The following CRPPA variants were observed in gnomAD, a reference collection of about 807,000 sequenced individuals.
CRPPA encodes the protein CDP-L-ribitol pyrophosphorylase A.
CRPPA carries 43 observed loss-of-function variants against 52.0 expected under a neutral mutation model. The ratio of observed to expected loss-of-function variants is 0.83; its 90% CI spans 0.65 to 1.07. The LOEUF (loss-of-function observed/expected upper bound fraction) is 1.07, where lower values mean the gene tolerates loss of function less well. Ranked by LOEUF, CRPPA falls within the 50% of genes least tolerant of loss-of-function variation. The probability of loss-of-function intolerance (pLI) is 0.00; values close to 1 mark genes in which losing one functional copy is unlikely to be tolerated. For missense variants in CRPPA, 629 were observed against 551.7 expected (o/e 1.14, Z -1.40); for synonymous variants, 250 against 203.5 (o/e 1.23, Z -1.94).
At chr7:16,289,798 C>A (rs1178603902) in intron 5 of CRPPA, among the ~76,000 whole-genome samples, 3 of 152,074 alleles carry the variant, frequency 2.0e-5, no homozygotes, top group Non-Finnish European at 4.4e-5. Context: ...CTACTCCTAT[C>A]CACCACAGTA....
At chr7:16,255,782 A>G (rs969472847) in intron 8 of CRPPA, among the ~76,000 whole-genome samples, 2 of 152,162 alleles carry the variant, frequency 1.3e-5, no homozygotes, top group African/African-American at 4.8e-5. Context: ...TGCCTTATAC[A>G]AAAATTAACT....
intron 9 of CRPPA, among the ~76,000 whole-genome samples, chr7:16,196,128 A>C (rs1781728562): frequency 6.6e-6 from 1 of 152,192 alleles, no homozygotes; most frequent in Non-Finnish European, 1.5e-5. Context: ...TATAGAACAT[A>C]TATATGTTGT....
intron 3 of CRPPA, among the ~76,000 whole-genome samples, chr7:16,331,603 T>C (rs553554774): frequency 5.3e-5 from 8 of 152,302 alleles, no homozygotes; most frequent in African/African-American, 1.9e-4. Flanking sequence ...AGGATTCCAG[T>C]AGTTAGACAG....
intron 8 of CRPPA, among the ~76,000 whole-genome samples, chr7:16,253,613 T>C (rs1354226963): frequency 2.0e-5 from 3 of 152,212 alleles, no homozygotes; most frequent in Non-Finnish European, 4.4e-5. Flanking sequence ...TGTAGATGTC[T>C]ATTAGGTCCG....
At chr7:16,299,980 C>T (rs945479131) in intron 5 of CRPPA, among the ~76,000 whole-genome samples, 1 of 152,286 alleles carries the variant, frequency 6.6e-6, no homozygotes, top group Middle Eastern at 3.4e-3. Flanking sequence ...AGAAACCAAA[C>T]TGAGTTTTAT....
intron 9 of CRPPA, among the ~76,000 whole-genome samples, chr7:16,187,698 G>A (rs1043198395): frequency 1.3e-5 from 2 of 152,138 alleles, no homozygotes; most frequent in African/African-American, 2.4e-5. Flanking sequence ...CTGTGACTTT[G>A]TAGATCCAAA....
chr7:16,411,873 C>T (rs1423202869), intron 1 of CRPPA, among the ~76,000 whole-genome samples: 2 of 152,000 alleles, frequency 1.3e-5, no homozygotes, highest in Non-Finnish European at 2.9e-5. Flanking sequence ...TGTCACTTTT[C>T]ATAGTATATT....
chr7:16,143,701 T>C (rs1782917907), intron 9 of CRPPA, among the ~76,000 whole-genome samples: 1 of 152,210 alleles, frequency 6.6e-6, no homozygotes, highest in African/African-American at 2.4e-5. Context: ...ACATTAGCAA[T>C]GGAAAGAGCA....
At position 16,088,551 on chromosome 7, in the gene CRPPA, G is replaced by A. The variant is rs1781746489; in HGVS notation, c.*3144C>T. The A allele has an allele frequency of 6.6e-6, 1 of 151,688 alleles. No individual in the cohort carries two copies. The highest frequency in any genetic ancestry group is 6.6e-5 in the Admixed American group (1 of 15,164). The allele number at this position is 151,688 out of a possible 1,614,324, so 9.4% of individuals were successfully genotyped here. A position where few individuals can be genotyped will look rare whatever the true frequency, so the allele number is the denominator to read the frequency against. On this transcript the variant is annotated 3_prime_UTR_variant, in exon 10 of 10. Coordinates refer to ENST00000407010, the MANE Select transcript of CRPPA (RefSeq NM_001101426.4). Reference sequence around the variant, plus strand: ...TCCTGCCTAAGCCTCCTGAGTAGCTGGGACTACAGGCGCCCGCCACGATGC... The same window carrying A: ...TCCTGCCTAAGCCTCCTGAGTAGCTAGGACTACAGGCGCCCGCCACGATGC...
chr7:16,104,578 T>C (rs140848116), intron 9 of CRPPA, among the ~76,000 whole-genome samples: 2 of 152,298 alleles, frequency 1.3e-5, no homozygotes, highest in East Asian at 3.9e-4. Flanking sequence ...GAAGAGTTCA[T>C]GTGGATATTA....
intron 3 of CRPPA, among the ~76,000 whole-genome samples, chr7:16,368,174 C>T (rs1786658444): frequency 6.6e-6 from 1 of 152,172 alleles, no homozygotes; most frequent in Non-Finnish European, 1.5e-5. Context: ...TCAAATTGCA[C>T]AGAAAAGAAT....
intron 1 of CRPPA, among the ~76,000 whole-genome samples, chr7:16,416,784 G>A (rs1007391707): frequency 1.3e-5 from 2 of 152,072 alleles, no homozygotes; most frequent in African/African-American, 4.8e-5. Flanking sequence ...TGAGGCTGCA[G>A]TGAGCTGAAA....
chr7:16,286,096 A>AT (rs1562608743), intron 5 of CRPPA, among the ~76,000 whole-genome samples: 565 of 53,074 alleles, frequency 0.011, 53 homozygotes, highest in East Asian at 0.034. Flanking sequence ...TTAAAAAAAA[A>AT]AATATATATA....
chr7:16,384,289 G>A (rs886843039), intron 2 of CRPPA, among the ~76,000 whole-genome samples: 3 of 152,194 alleles, frequency 2.0e-5, no homozygotes, highest in African/African-American at 7.2e-5. Context: ...AAACCTAAGT[G>A]TACTCTCAAA....
At chr7:16,195,215 C>A (rs546859181) in intron 9 of CRPPA, among the ~76,000 whole-genome samples, 1 of 152,238 alleles carries the variant, frequency 6.6e-6, no homozygotes, top group Admixed American at 6.5e-5. Context: ...TTTCTAGTTC[C>A]CTCTGGAATG....
chr7:16,142,616 AT>A (rs1361354009), intron 9 of CRPPA, among the ~76,000 whole-genome samples: 9 of 152,256 alleles, frequency 5.9e-5, no homozygotes, highest in African/African-American at 2.2e-4. Flanking sequence ...CTAGGTTTGT[AT>A]TTACACACTA....
At chr7:16,196,819 C>A (rs1448847294) in intron 9 of CRPPA, among the ~76,000 whole-genome samples, 1 of 152,094 alleles carries the variant, frequency 6.6e-6, no homozygotes, top group Non-Finnish European at 1.5e-5. Context: ...CCCTAAATAA[C>A]CAAGATAGTG....
intron 9 of CRPPA, among the ~76,000 whole-genome samples, chr7:16,149,182 G>C (rs1003139949): frequency 1.3e-5 from 2 of 152,126 alleles, no homozygotes; most frequent in African/African-American, 4.8e-5. Flanking sequence ...CAAGTTATTA[G>C]TGCTTTGGAA....
chr7:16,152,262 G>A (rs960166872), intron 9 of CRPPA, among the ~76,000 whole-genome samples: 8 of 151,368 alleles, frequency 5.3e-5, no homozygotes, highest in African/African-American at 1.9e-4. Context: ...AAATATGTGA[G>A]ATGTTAATTT....
Sources: allele counts gnomAD v4.1 joint callset (sites outside exome capture counted in the v4.1 genomes callset), GRCh38; gene constraint gnomAD v4.1.1; transcripts MANE v1.5; gene names NCBI Gene and HGNC (gene_info 2026-07-23, HGNC 2026-07-21).